LAMA4: variants seen among roughly 807,000 people sequenced by gnomAD.
The protein encoded by LAMA4 is laminin subunit alpha 4, also known as laminin subunit alpha-4.
In LAMA4, 127 loss-of-function variants were observed where a neutral mutation model predicts 207.1. That is an observed-to-expected ratio of 0.61 (90% CI 0.53 to 0.71). LAMA4 has a LOEUF of 0.71. Ranked by LOEUF, LAMA4 falls within the 30% of genes least tolerant of loss-of-function variation. LAMA4 has a pLI of 0.00. For synonymous variants in LAMA4, 761 were observed against 816.0 expected, an observed-to-expected ratio of 0.93 and a Z score of 1.15; for missense variants, 2,093 against 2,246.5, an observed-to-expected ratio of 0.93 and a Z score of 1.38.
intron 17 of LAMA4, 87 bp from the exon 18 acceptor site, chr6:112,148,423 A>G (rs1780168354): frequency 7.1e-7 from 1 of 1,412,556 alleles, no homozygotes; most frequent in Non-Finnish European, 9.9e-7. Flanking sequence ...CCTTGAATGA[A>G]ACAGATCTCA....
chr6:112,149,685 C>A (rs1780259065), intron 17 of LAMA4, among the ~76,000 whole-genome samples: 1 of 152,150 alleles, frequency 6.6e-6, no homozygotes, highest in South Asian at 2.1e-4. Flanking sequence ...TTCTTCATAG[C>A]AGCGTGAGAA....
chr6:112,171,959 T>C (rs1781743293), intron 12 of LAMA4: 3 of 152,858 alleles, frequency 2.0e-5, no homozygotes, highest in African/African-American at 7.2e-5. Context: ...TTTTAAAATA[T>C]GTTTGAACAT....
rs114052704 is a variant in LAMA4, at chr6:112,118,046, G to T, written c.4822-148C>A. On this transcript the variant is annotated intron_variant, in intron 34 of 38. Transcript: ENST00000230538. The surrounding 1 kb of genome is among the most constrained non-coding windows in gnomAD (Gnocchi z 4.6). Reference sequence around the variant, plus strand: ...TATCTGAATGATCAGTACTTTCCTGGATAGTTGCTTTCTAACTGGTTGTTT... The same window carrying T: ...TATCTGAATGATCAGTACTTTCCTGTATAGTTGCTTTCTAACTGGTTGTTT... 1,470 of 688,358 alleles carry T rather than the reference G, an allele frequency of 2.1e-3. 14 individuals carry two copies. In the African/African-American group the frequency reaches 0.024, roughly 11 times the overall value. 42.6% of individuals were successfully genotyped at this position (688,358 alleles called of 1,614,324 possible). A position where few individuals can be genotyped will look rare whatever the true frequency, so the allele number is the denominator to read the frequency against.
chr6:112,114,669 T>G lies in LAMA4; in HGVS notation c.5200A>C (p.Ile1734Leu). Residue 1734 changes from isoleucine to leucine, a missense_variant, in exon 37 of 39, where the codon ATT (isoleucine) becomes CTT (leucine). By Grantham distance (5) the Ile-to-Leu change is conservative. Coordinates refer to ENST00000230538, the MANE Select transcript of LAMA4 (RefSeq NM_001105206.3). ...QSLCDGRWHR[I>L]TVIRDSNVVQ... ...GGGCAGTCAGTTTTCTCACCTGTAA[T>G]TCTGTGCCATCTGCCATCACAGAGA... 6.2e-7 allele frequency: 1 copy of G among 1,609,906 alleles called. No homozygotes were observed. Among genetic ancestry groups the G allele is most frequent in the South Asian group, 1.1e-5 (1 of 91,032 alleles).
chr6:112,175,017 T>G (rs1583798590), intron 11 of LAMA4, among the ~76,000 whole-genome samples: 1 of 152,368 alleles, frequency 6.6e-6, no homozygotes, highest in Admixed American at 6.5e-5. Flanking sequence ...TTCTGGGAAT[T>G]GGTTTCCTTT....
intron 16 of LAMA4, among the ~76,000 whole-genome samples, chr6:112,152,767 A>C (rs1391547641): frequency 6.6e-6 from 1 of 152,082 alleles, no homozygotes; most frequent in Non-Finnish European, 1.5e-5. Flanking sequence ...AACCAAATAC[A>C]AGCACTTCTT....
intron 13 of LAMA4, among the ~76,000 whole-genome samples, chr6:112,160,250 C>G (rs1010896871): frequency 6.6e-6 from 1 of 152,076 alleles, no homozygotes; most frequent in Non-Finnish European, 1.5e-5. Flanking sequence ...CCCAGCCCTT[C>G]CCCGCAAACT....
At chr6:112,253,798 A>G in intron 2 of LAMA4, 158 bp downstream of exon 2, 2 of 1,614,236 alleles carry the variant, frequency 1.2e-6, no homozygotes, top group Non-Finnish European at 1.7e-6. Flanking sequence ...TTACAAAGGA[A>G]AACTCTTTAT....
intron 19 of LAMA4, among the ~76,000 whole-genome samples, chr6:112,144,048 G>A (rs1381438279): frequency 2.0e-5 from 3 of 152,114 alleles, no homozygotes; most frequent in Non-Finnish European, 4.4e-5. Flanking sequence ...ATTCTTAACT[G>A]AGAAAATAAA....
chr6:112,111,600 T>G (rs782271421), intron 38 of LAMA4, among the ~76,000 whole-genome samples: 17 of 152,244 alleles, frequency 1.1e-4, no homozygotes, highest in Non-Finnish European at 2.5e-4. Flanking sequence ...CAGCTCAAAA[T>G]GATATAATTA....
intron 9 of LAMA4, chr6:112,178,652 G>A (rs974722784): frequency 6.5e-5 from 14 of 215,994 alleles, no homozygotes; most frequent in South Asian, 6.0e-4. Context: ...TAGCTCCCAC[G>A]TATCAGTTAG....
chr6:112,111,541 C>T (rs1554321591), intron 38 of LAMA4, among the ~76,000 whole-genome samples: 1 of 152,100 alleles, frequency 6.6e-6, no homozygotes, highest in Non-Finnish European at 1.5e-5. Context: ...CTTTAGCTAT[C>T]CTCTTAATGC....
chr6:112,117,453 T>A lies in LAMA4; in HGVS notation c.4981+286A>T, dbSNP rs1778087713. On this transcript the variant is annotated intron_variant, in intron 35 of 38. Transcript: ENST00000230538. The surrounding 1 kb of genome is among the most constrained non-coding windows in gnomAD (Gnocchi z 4.5). Reference sequence around the variant, plus strand: ...GGAGCAAGGTGGCCAAAAACTGACATGGATCAGGCCACGGAGCAGCATAGA... The same window carrying A: ...GGAGCAAGGTGGCCAAAAACTGACAAGGATCAGGCCACGGAGCAGCATAGA... Among the ~76,000 whole-genome samples the A allele has an allele frequency of 2.0e-5, 3 of 152,106 alleles. No homozygotes were observed. Among genetic ancestry groups the A allele is most frequent in the Admixed American group, 6.5e-5 (1 of 15,272 alleles).
chr6:112,124,707 G>A (rs1778576063), intron 31 of LAMA4, among the ~76,000 whole-genome samples: 1 of 150,948 alleles, frequency 6.6e-6, no homozygotes, highest in African/African-American at 2.4e-5. Flanking sequence ...AGCCAAGCTA[G>A]TTGAGCTACT....
chr6:112,132,263 T>C (rs1053394511), intron 28 of LAMA4, among the ~76,000 whole-genome samples: 62 of 152,326 alleles, frequency 4.1e-4, no homozygotes, highest in African/African-American at 1.4e-3. Flanking sequence ...ACTTTTTTAT[T>C]AAGGCATTAA....
At chr6:112,212,978 T>C (rs1784435642) in intron 3 of LAMA4, among the ~76,000 whole-genome samples, 1 of 152,216 alleles carries the variant, frequency 6.6e-6, no homozygotes, top group Non-Finnish European at 1.5e-5. Flanking sequence ...TTTTCCTGAA[T>C]AGGGTTTTAA....
At chr6:112,143,803 G>A (rs560317927) in intron 19 of LAMA4, among the ~76,000 whole-genome samples, 1 of 152,234 alleles carries the variant, frequency 6.6e-6, no homozygotes, top group East Asian at 1.9e-4. Flanking sequence ...AATATTACAA[G>A]AAAGCACTCA....
At chr6:112,235,042 A>G (rs111233402) in intron 2 of LAMA4, among the ~76,000 whole-genome samples, 4 of 152,322 alleles carry the variant, frequency 2.6e-5, no homozygotes, top group African/African-American at 9.6e-5. Context: ...TCCTGACATC[A>G]AAGACTAGGG....
chr6:112,182,097 AAAATAAATAAAT>A (rs58426217), intron 9 of LAMA4, among the ~76,000 whole-genome samples: 91,421 of 148,440 alleles, frequency 0.62, 28,434 homozygotes, highest in East Asian at 0.83. Context: ...ACTCTGTCTG[AAAATAAATAAAT>A]AAATAAATAA....
Sources: gnomAD v4.1 joint callset for allele counts (sites outside exome capture counted in the v4.1 genomes callset) on GRCh38, gnomAD v4.1.1 for gene constraint, Gnocchi (gnomAD v3.1) non-coding constraint, MANE v1.5 for transcripts, NCBI Gene and HGNC (gene_info 2026-07-23, HGNC 2026-07-21) for gene names.